CCDC81: variants seen among roughly 807,000 people sequenced by gnomAD.
The protein encoded by CCDC81 is coiled-coil domain containing 81, also known as coiled-coil domain-containing protein 81.
Under a neutral mutation model 83.7 loss-of-function variants are expected in CCDC81, and 79 were observed. The observed-to-expected ratio is 0.94, with a 90% confidence interval of 0.79 to 1.14. CCDC81 has a LOEUF of 1.14. CCDC81 is among the 50% of genes most tolerant of loss of function. The pLI, the probability that CCDC81 is intolerant of heterozygous loss-of-function variation, is 0.00. For synonymous variants in CCDC81, 252 were observed against 278.1 expected (o/e 0.91, Z 0.93); for missense variants, 791 against 778.1 (o/e 1.02, Z -0.20).
intron 7 of CCDC81, 71 bp from the exon 8 acceptor site, chr11:86,407,543 C>A (rs1473615723): frequency 2.1e-6 from 2 of 970,906 alleles, no homozygotes; most frequent in Non-Finnish European, 3.2e-6. Context: ...CTTATACTTG[C>A]CTCTAAAATT....
chr11:86,397,921 C>CT (rs1315797361), intron 6 of CCDC81, among the ~76,000 whole-genome samples, 179 bp downstream of exon 6: 1 of 151,902 alleles, frequency 6.6e-6, no homozygotes, highest in African/African-American at 2.4e-5. Context: ...ATAATCTCAG[C>CT]TCACTGCAAC....
At chr11:86,402,362 G>A (rs1343952594) in intron 7 of CCDC81, among the ~76,000 whole-genome samples, 1 of 152,032 alleles carries the variant, frequency 6.6e-6, no homozygotes, top group Non-Finnish European at 1.5e-5. Context: ...AATATACACA[G>A]TTTTTAAATA....
chr11:86,398,723 C>A (rs1468814634), intron 6 of CCDC81, among the ~76,000 whole-genome samples: 4 of 152,054 alleles, frequency 2.6e-5, no homozygotes, highest in African/African-American at 9.7e-5. Context: ...CAGGCGCGCA[C>A]CACCACGCCC....
intron 14 of CCDC81, 146 bp from the exon 15 acceptor site, chr11:86,422,428 T>C (rs1207906324): frequency 1.6e-6 from 1 of 645,006 alleles, no homozygotes; most frequent in Non-Finnish European, 2.6e-6. Flanking sequence ...AAGCAGGGGA[T>C]GCCAGGATGG....
rs575864276 is a variant in CCDC81 at position 86,408,213 on chromosome 11, G to C, written c.1056G>C (p.Glu352Asp). Residue 352 changes from glutamate to aspartate, a missense_variant, in exon 9 of 15, where the codon GAG becomes GAC. Transcript: ENST00000445632. Reference sequence around the variant, plus strand: ...AAAGGAGGAGAGAGATAGAAGATGAGAGACTCATACAGCAGTATCAGATGT... The same window carrying C: ...AAAGGAGGAGAGAGATAGAAGATGACAGACTCATACAGCAGTATCAGATGT... Reference protein sequence around the residue: ...SEERRREIEDERLIQQYQMLK... With the variant: ...SEERRREIEDDRLIQQYQMLK... 8.7e-6 allele frequency: 14 copies of C among 1,614,034 alleles called. No individual in the cohort carries two copies. Among genetic ancestry groups the C allele is most frequent in the Non-Finnish European group, 1.2e-5 (14 of 1,179,956 alleles).
At chr11:86,406,837 AT>A (rs1246627039) in intron 7 of CCDC81, among the ~76,000 whole-genome samples, 1 of 152,168 alleles carries the variant, frequency 6.6e-6, no homozygotes, top group Non-Finnish European at 1.5e-5. Context: ...AAATTAAAAA[AT>A]AAATATTTTC....
chr11:86,422,693 C>G lies in CCDC81; in HGVS notation c.1937C>G (p.Pro646Arg), dbSNP rs770381437. 3.7e-6 allele frequency: 6 copies of G among 1,613,958 alleles called. No homozygotes were observed. The highest frequency in any genetic ancestry group is 5.1e-6 in the Non-Finnish European group (6 of 1,179,866). The change falls in exon 15 of 15, where the codon CCT becomes CGT. Residue 646 changes from proline (P) to arginine (R), a missense_variant. Coordinates refer to ENST00000445632, the MANE Select transcript of CCDC81 (RefSeq NM_001156474.2). Reference sequence around the variant, plus strand: ...CTGTGGCCCCTGAACAAGTTCCTGCCTGGCTCCCGGTTGCTTGTGTAAAAC... The same window carrying G: ...CTGTGGCCCCTGAACAAGTTCCTGCGTGGCTCCCGGTTGCTTGTGTAAAAC... The part of the protein sequence containing the change: ...SNLWPLNKFL[P>R]GSRLLV
intron 1 of CCDC81, 35 bp downstream of exon 1, chr11:86,375,277 G>GA (rs1565754987): frequency 1.3e-6 from 2 of 1,564,800 alleles, no homozygotes; most frequent in East Asian, 4.5e-5. Flanking sequence ...TGGCCCTGGG[G>GA]ATTGAATCTT....
chr11:86,376,220 G>T (rs78384906), intron 1 of CCDC81, among the ~76,000 whole-genome samples: 119 of 152,278 alleles, frequency 7.8e-4, no homozygotes, highest in African/African-American at 2.4e-3. Context: ...TTAGGTAAAT[G>T]ATACCAGGGA....
intron 12 of CCDC81, 57 bp downstream of exon 12, chr11:86,414,924 A>G (rs1948695453): frequency 6.8e-7 from 1 of 1,463,150 alleles, no homozygotes; most frequent in African/African-American, 1.4e-5. Flanking sequence ...ATAACATCCT[A>G]AAATATGTGT....
chr11:86,422,450 GC>G, intron 14 of CCDC81, 123 bp from the exon 15 acceptor site: 1 of 777,648 alleles, frequency 1.3e-6, no homozygotes, highest in Non-Finnish European at 2.1e-6. Context: ...GTGAACTGCA[GC>G]ATACAGGCAG....
Position 86,408,289 on chromosome 11 carries a change from T to G in CCDC81, c.1113+19T>G. On this transcript the variant is annotated intron_variant, in intron 9 of 14. Coordinates refer to ENST00000445632, the MANE Select transcript of CCDC81 (RefSeq NM_001156474.2). ...ACACCAGGTAGTCCAACACCTCGAT[T>G]AGTCTTTAATATGGGGCAATAGAAC... 1 of 1,595,250 alleles carries G rather than the reference T, an allele frequency of 6.3e-7. No individual in the cohort carries two copies. The highest frequency in any genetic ancestry group is 2.2e-5 in the East Asian group (1 of 44,642).
chr11:86,413,131 C>T (rs185074294), intron 11 of CCDC81, among the ~76,000 whole-genome samples: 6 of 152,216 alleles, frequency 3.9e-5, no homozygotes, highest in Admixed American at 3.3e-4. Context: ...GGCTGCTGTG[C>T]GGCCCGGGTT....
rs1276227314 is a variant in CCDC81 at position 86,387,571 on chromosome 11, TG to T, written c.200del (p.Gly67GlufsTer7). ...TFTFIRQKLE[V>X]GNNKFILIQR... The stretch of plus-strand genomic sequence containing the variant: ...ACTTTCATAAGACAAAAGCTTGAGG[TG>T]GGAAACAACAAATTTATCTTAATCC... On this transcript the variant is annotated frameshift_variant, in exon 3 of 15. Coordinates refer to ENST00000445632, the MANE Select transcript of CCDC81 (RefSeq NM_001156474.2). LOFTEE classifies it high-confidence loss of function. The T allele has an allele frequency of 2.5e-6, 4 of 1,613,762 alleles. No homozygotes were observed. The highest frequency in any genetic ancestry group is 1.3e-5 in the African/African-American group (1 of 74,908).
chr11:86,406,547 C>G (rs1948568654), intron 7 of CCDC81, among the ~76,000 whole-genome samples: 1 of 152,178 alleles, frequency 6.6e-6, no homozygotes, highest in African/African-American at 2.4e-5. Flanking sequence ...TGGCTCATGC[C>G]TGTAATCCCA....
At chr11:86,389,483 C>A (rs1369261176) in intron 3 of CCDC81, among the ~76,000 whole-genome samples, 2 of 152,080 alleles carry the variant, frequency 1.3e-5, no homozygotes, top group African/African-American at 2.4e-5. Context: ...TAAGAGGCCT[C>A]AGGAAACTTA....
At chr11:86,401,973 A>G (rs1000823842) in intron 7 of CCDC81, among the ~76,000 whole-genome samples, 2 of 151,808 alleles carry the variant, frequency 1.3e-5, no homozygotes, top group African/African-American at 2.4e-5. Flanking sequence ...TGTCTCTACT[A>G]AAATAAAAAA....
chr11:86,395,773 C>T (rs1948399688), intron 5 of CCDC81, among the ~76,000 whole-genome samples: 1 of 152,170 alleles, frequency 6.6e-6, no homozygotes, highest in East Asian at 1.9e-4. Flanking sequence ...CAGGCGCACG[C>T]CACCATGCCT....
chr11:86,398,866 C>T lies in CCDC81; in HGVS notation c.757+1124C>T, dbSNP rs770498995. Among the ~76,000 whole-genome samples the T allele has an allele frequency of 2.1e-4, 32 of 152,306 alleles. 1 individual carries two copies. Among genetic ancestry groups the T allele is most frequent in the Non-Finnish European group, 3.4e-4 (23 of 68,016 alleles). The stretch of plus-strand genomic sequence containing the variant: ...ACAATTACAGGTGGGAGCCACCACA[C>T]GCAGCCACAGACATTTTGAAAGGGT... On this transcript the variant is annotated intron_variant, in intron 6 of 14. Coordinates refer to ENST00000445632, the MANE Select transcript of CCDC81 (RefSeq NM_001156474.2).
Sources: gnomAD v4.1 joint callset for allele counts (sites outside exome capture counted in the v4.1 genomes callset) on GRCh38, gnomAD v4.1.1 for gene constraint, MANE v1.5 for transcripts, NCBI Gene and HGNC (gene_info 2026-07-23, HGNC 2026-07-21) for gene names.